Variants in PLCB1 observed in about 807,000 individuals in gnomAD.
PLCB1 encodes the protein phospholipase C beta 1, also known as 1-phosphatidylinositol 4,5-bisphosphate phosphodiesterase beta-1.
In PLCB1, 46 loss-of-function variants were observed where a neutral mutation model predicts 161.8. That is an observed-to-expected ratio of 0.28 (90% CI 0.22 to 0.36). PLCB1 has a LOEUF of 0.36. Among genes scored for constraint, PLCB1 ranks in the 10% least tolerant of loss-of-function variants. PLCB1 has a pLI of 1.00. For missense variants in PLCB1, 1,016 were observed against 1,472.5 expected, an observed-to-expected ratio of 0.69 and a Z score of 5.07; for synonymous variants, 517 against 503.7, an observed-to-expected ratio of 1.03 and a Z score of -0.35.
intron 2 of PLCB1, among the ~76,000 whole-genome samples, chr20:8,318,774 T>A (rs747912494): frequency 5.9e-5 from 9 of 152,120 alleles, no homozygotes; most frequent in Non-Finnish European, 1.2e-4. Context: ...AGTGGGCCAA[T>A]AAGATGGTTA....
In PLCB1 at chr20:8,577,437, CAA is replaced by C. The variant is rs11289640; in HGVS notation, c.247-50839_247-50838del. Among the ~76,000 whole-genome samples the C allele has an allele frequency of 4.2e-3, 391 of 93,974 alleles. 3 individuals are homozygous for C. Among genetic ancestry groups the C allele is most frequent in the South Asian group, 7.5e-3 (22 of 2,952 alleles). 61.7% of individuals were successfully genotyped at this position (93,974 alleles called of 152,430 possible). A position where few individuals can be genotyped will look rare whatever the true frequency, so the allele number is the denominator to read the frequency against. On this transcript the variant is annotated intron_variant, in intron 3 of 31. Transcript: ENST00000338037. ...TGGGCAACAGAGCGAGACCCTGTCT[CAA>C]AAAAAAAAAAAAAAAAAGAATCTTG... is the stretch of plus-strand genomic sequence containing the variant.
intron 3 of PLCB1, among the ~76,000 whole-genome samples, chr20:8,522,257 GC>G (rs550699197): frequency 7.0e-4 from 106 of 152,204 alleles, no homozygotes; most frequent in African/African-American, 2.5e-3. Flanking sequence ...TCCCTTACAA[GC>G]GTTTCCTGAG....
chr20:8,806,112 C>T (rs1984526611), intron 31 of PLCB1, among the ~76,000 whole-genome samples: 1 of 152,162 alleles, frequency 6.6e-6, no homozygotes, highest in African/African-American at 2.4e-5. Context: ...CTCAAAGTCA[C>T]TTGTTTTTAG....
chr20:8,461,367 G>A (rs1443714027), intron 3 of PLCB1, among the ~76,000 whole-genome samples: 1 of 152,176 alleles, frequency 6.6e-6, no homozygotes, highest in Admixed American at 6.5e-5. Flanking sequence ...AGGTGGCTCA[G>A]CCTCTACCAC....
At chr20:8,860,131 T>C (rs1987204474) in intron 31 of PLCB1, among the ~76,000 whole-genome samples, 1 of 152,228 alleles carries the variant, frequency 6.6e-6, no homozygotes, top group African/African-American at 2.4e-5. Context: ...CTCCAGCGAA[T>C]AATGGGAGAA....
intron 3 of PLCB1, among the ~76,000 whole-genome samples, chr20:8,457,581 C>T (rs1031031863): frequency 6.6e-6 from 1 of 152,048 alleles, no homozygotes; most frequent in African/African-American, 2.4e-5. Context: ...TTTAATCAGT[C>T]GTCTATTTAA....
At chr20:8,462,467 A>C (rs1280523926) in intron 3 of PLCB1, among the ~76,000 whole-genome samples, 1 of 152,228 alleles carries the variant, frequency 6.6e-6, no homozygotes, top group Non-Finnish European at 1.5e-5. Context: ...TTTGTTTCTT[A>C]AAGTATTTAT....
At chr20:8,688,249 T>C (rs1248673430) in intron 10 of PLCB1, among the ~76,000 whole-genome samples, 1 of 152,220 alleles carries the variant, frequency 6.6e-6, no homozygotes. Context: ...CTTTGTCAGA[T>C]GTATAGATTG....
chr20:8,788,399 GCT>G (rs1457579346), intron 27 of PLCB1, 48 bp from the exon 28 acceptor site: 3 of 1,540,314 alleles, frequency 1.9e-6, no homozygotes, highest in Non-Finnish European at 2.7e-6. Flanking sequence ...TGGGAAGGAA[GCT>G]CTGTTTGCAA....
At position 8,474,205 on chromosome 20, in the gene PLCB1, TA is replaced by T. The variant is rs570370566; in HGVS notation, c.246+102759del. 9.5e-4 allele frequency among the ~76,000 whole-genome samples: 145 copies of T among 152,272 alleles called. 1 individual carries two copies. The highest frequency in any genetic ancestry group is 3.3e-3 in the African/African-American group (138 of 41,572). On this transcript the variant is annotated intron_variant, in intron 3 of 31. Coordinates refer to ENST00000338037, the MANE Select transcript of PLCB1 (RefSeq NM_015192.4). ...TTAGTGCTGGGTATATAGCCATGAATAAAATGAGATTCCTCTTTTTATACAT... is the reference window on the plus strand; with the variant it reads ...TTAGTGCTGGGTATATAGCCATGAATAAATGAGATTCCTCTTTTTATACAT...
intron 18 of PLCB1, among the ~76,000 whole-genome samples, chr20:8,731,877 T>G (rs931542293): frequency 2.4e-5 from 3 of 124,774 alleles, no homozygotes; most frequent in Non-Finnish European, 5.3e-5. Context: ...AAAATAATAG[T>G]TTAATAAGAG....
Position 8,729,184 on chromosome 20 carries a change from T to C in PLCB1, c.1888+10T>C, listed in dbSNP as rs1429911952. 10 of 1,599,946 alleles carry C rather than the reference T, an allele frequency of 6.3e-6. No homozygotes were observed. The highest frequency in any genetic ancestry group is 8.5e-6 in the Non-Finnish European group (10 of 1,172,694). On this transcript the variant is annotated intron_variant, in intron 18 of 31. Transcript: ENST00000338037. The stretch of plus-strand genomic sequence containing the variant: ...AATTTCCAGACAATGGGTAAGTACA[T>C]GCTTGTTCCCATTCTGCTATGAACT...
At position 8,881,259 on chromosome 20, in the gene PLCB1, C is replaced by T. The variant is rs551253216; in HGVS notation, c.3424-363C>T. Reference sequence around the variant, plus strand: ...CGCAATCAACCTGCCTCAACCTCAACCTCCCAAAGTGCTGGGATTACACGT... The same window carrying T: ...CGCAATCAACCTGCCTCAACCTCAATCTCCCAAAGTGCTGGGATTACACGT... On this transcript the variant is annotated intron_variant, in intron 31 of 31. Transcript: ENST00000338037. 3.3e-5 allele frequency among the ~76,000 whole-genome samples: 5 copies of T among 152,060 alleles called. No homozygotes were observed. In the South Asian group the frequency reaches 1.0e-3, roughly 32 times the overall value.
chr20:8,876,909 T>C (rs1987800799), intron 31 of PLCB1, among the ~76,000 whole-genome samples: 2 of 152,110 alleles, frequency 1.3e-5, no homozygotes, highest in Non-Finnish European at 2.9e-5. Context: ...GAACAGCATA[T>C]ACTTTTGACA....
At chr20:8,642,427 G>T (rs756524775) in intron 4 of PLCB1, among the ~76,000 whole-genome samples, 2 of 152,138 alleles carry the variant, frequency 1.3e-5, no homozygotes, top group Non-Finnish European at 2.9e-5. Flanking sequence ...TCTGATGCAT[G>T]CCAGTAGTGA....
chr20:8,462,767 C>T (rs966023266), intron 3 of PLCB1, among the ~76,000 whole-genome samples: 1 of 152,016 alleles, frequency 6.6e-6, no homozygotes, highest in African/African-American at 2.4e-5. Context: ...GCTGTCTCAC[C>T]ACCTAAGCTC....
chr20:8,737,701 A>G (rs948232682), intron 20 of PLCB1, among the ~76,000 whole-genome samples: 1 of 152,156 alleles, frequency 6.6e-6, no homozygotes, highest in African/African-American at 2.4e-5. Flanking sequence ...CAAAAAGCAA[A>G]TCTTCACACA....
chr20:8,278,985 A>C (rs529542260), intron 2 of PLCB1, among the ~76,000 whole-genome samples: 32 of 152,230 alleles, frequency 2.1e-4, no homozygotes, highest in South Asian at 1.0e-3. Context: ...TTTTAAAAAA[A>C]AAAACAAAAC....
At position 8,475,163 on chromosome 20, in the gene PLCB1, C is replaced by T. The variant is rs6055845; in HGVS notation, c.246+103713C>T. ...TGTTCAATCATTAAGATAAGGGAGA[C>T]ATTTATGTTATGTGGTACCCAAGAT... On this transcript the variant is annotated intron_variant, in intron 3 of 31. Coordinates refer to ENST00000338037, the MANE Select transcript of PLCB1 (RefSeq NM_015192.4). Among the ~76,000 whole-genome samples, 42 of 152,224 alleles carry T rather than the reference C, an allele frequency of 2.8e-4. 1 individual carries two copies. The highest frequency in any genetic ancestry group is 3.4e-3 in the Middle Eastern group (1 of 294).
Sources: gnomAD v4.1 joint callset for allele counts (sites outside exome capture counted in the v4.1 genomes callset) on GRCh38, gnomAD v4.1.1 for gene constraint, MANE v1.5 for transcripts, NCBI Gene and HGNC (gene_info 2026-07-23, HGNC 2026-07-21) for gene names.